The following GRIN2A variants were observed in gnomAD, a reference collection of about 807,000 sequenced individuals.
GRIN2A encodes the protein glutamate receptor ionotropic, NMDA 2A.
Under a neutral mutation model 113.4 loss-of-function variants are expected in GRIN2A, and 22 were observed. The observed-to-expected ratio is 0.19, with a 90% CI of 0.14 to 0.28. GRIN2A has a LOEUF of 0.28. GRIN2A is among the 10% of genes least tolerant of loss of function. The pLI is 1.00. For synonymous variants in GRIN2A, 827 were observed against 738.4 expected, an observed-to-expected ratio of 1.12 and a Z score of -1.94; for missense variants, 1,502 against 1,887.0, an observed-to-expected ratio of 0.80 and a Z score of 3.78.
At chr16:10,179,005 C>G (rs1596585708) in intron 2 of GRIN2A, among the ~76,000 whole-genome samples, 1 of 152,030 alleles carries the variant, frequency 6.6e-6, no homozygotes, top group South Asian at 2.1e-4. Context: ...TCCCTTTTTT[C>G]TCATTCCTCA....
At chr16:9,861,252 A>C (rs954200270) in intron 4 of GRIN2A, among the ~76,000 whole-genome samples, 2 of 152,198 alleles carry the variant, frequency 1.3e-5, no homozygotes, top group Non-Finnish European at 2.9e-5. Flanking sequence ...AGAAAACATG[A>C]GTAATTAACT....
In GRIN2A at chr16:9,761,897, G is replaced by A. The variant is rs1900599829; in HGVS notation, c.*1252C>T. The A allele has an allele frequency of 4.9e-6, 1 of 205,098 alleles. No individual in the cohort carries two copies. Among genetic ancestry groups the A allele is most frequent in the African/African-American group, 2.3e-5 (1 of 43,792 alleles). 12.7% of individuals were successfully genotyped at this position (205,098 alleles called of 1,614,324 possible). A position where few individuals can be genotyped will look rare whatever the true frequency, so the allele number is the denominator to read the frequency against. ...ATAACTCAGAAGGGAGAAATTGCTT[G>A]TCTCACTAAACTGTATCCACAGTTT... On this transcript the variant is annotated 3_prime_UTR_variant, in exon 13 of 13. Transcript: ENST00000330684.
intron 2 of GRIN2A, among the ~76,000 whole-genome samples, chr16:10,110,802 T>A (rs137950317): frequency 2.6e-5 from 4 of 152,212 alleles, no homozygotes; most frequent in Admixed American, 1.3e-4. Context: ...AAGCCATATG[T>A]TGAAGGTGGC....
rs886052537 is a variant in GRIN2A at position 9,759,983 on chromosome 16, G to C, written c.*3166C>G. 8.7e-6 allele frequency: 2 copies of C among 231,132 alleles called. No individual in the cohort carries two copies. The highest frequency in any genetic ancestry group is 4.4e-5 in the African/African-American group (2 of 45,336). The allele number at this position is 231,132 out of a possible 1,614,324, so 14.3% of individuals were successfully genotyped here. A position where few individuals can be genotyped will look rare whatever the true frequency, so the allele number is the denominator to read the frequency against. Reference sequence around the variant, plus strand: ...ATTACCCATGGACAGAGACCCAACCGTTTGCATTCAAGTGTACCTATCTGA... The same window carrying C: ...ATTACCCATGGACAGAGACCCAACCCTTTGCATTCAAGTGTACCTATCTGA... On this transcript the variant is annotated 3_prime_UTR_variant, in exon 13 of 13. Transcript: ENST00000330684.
chr16:10,070,342 C>A (rs2047726140), intron 2 of GRIN2A, among the ~76,000 whole-genome samples: 1 of 152,212 alleles, frequency 6.6e-6, no homozygotes, highest in Admixed American at 6.5e-5. Flanking sequence ...CTCCCAGGAG[C>A]TTCTTAGAAG....
At chr16:9,965,245 A>C (rs951185897) in intron 2 of GRIN2A, among the ~76,000 whole-genome samples, 2 of 152,220 alleles carry the variant, frequency 1.3e-5, no homozygotes, top group Non-Finnish European at 1.5e-5. Flanking sequence ...GCTAGAACAG[A>C]TTCCTCTCCT....
At chr16:9,775,291 C>A (rs1043623888) in intron 11 of GRIN2A, among the ~76,000 whole-genome samples, 2 of 152,140 alleles carry the variant, frequency 1.3e-5, no homozygotes, top group Non-Finnish European at 2.9e-5. Context: ...TTCTGAGAAG[C>A]TGAGTTCGAT....
rs144499334 is a variant in GRIN2A at position 9,967,366 on chromosome 16, C to A, written c.415-28815G>T. ...ATGGAAAACCAAATATCGTTATGTT[C>A]TCACTTATAAGTGGGAGCTAAGCTA... On this transcript the variant is annotated intron_variant, in intron 2 of 12. Transcript: ENST00000330684. Among the ~76,000 whole-genome samples, 70 of 152,286 alleles carry A rather than the reference C, an allele frequency of 4.6e-4. 1 individual carries two copies. Among genetic ancestry groups the A allele is most frequent in the African/African-American group, 1.6e-3 (67 of 41,578 alleles).
intron 2 of GRIN2A, among the ~76,000 whole-genome samples, chr16:10,111,052 C>G (rs2048603801): frequency 6.6e-6 from 1 of 152,218 alleles, no homozygotes; most frequent in Non-Finnish European, 1.5e-5. Context: ...TAAGAATACT[C>G]TTACTTCAGC....
chr16:10,046,107 GC>G (rs2047252939), intron 2 of GRIN2A, among the ~76,000 whole-genome samples: 1 of 152,172 alleles, frequency 6.6e-6, no homozygotes, highest in South Asian at 2.1e-4. Flanking sequence ...TAGCCCCATT[GC>G]CTTAGCCAGT....
intron 5 of GRIN2A, among the ~76,000 whole-genome samples, chr16:9,849,379 G>C (rs1342951744): frequency 2.0e-5 from 3 of 151,842 alleles, no homozygotes; most frequent in South Asian, 2.1e-4. Context: ...GACTGAAGGG[G>C]AGGATTGATT....
At chr16:9,873,995 T>A (rs1465294361) in intron 4 of GRIN2A, among the ~76,000 whole-genome samples, 2 of 152,350 alleles carry the variant, frequency 1.3e-5, no homozygotes, top group South Asian at 4.1e-4. Flanking sequence ...TTGGTTTCTA[T>A]GAGTCATTCT....
At chr16:9,923,602 G>T (rs1354962460) in intron 3 of GRIN2A, among the ~76,000 whole-genome samples, 1 of 151,644 alleles carries the variant, frequency 6.6e-6, no homozygotes, top group Admixed American at 6.6e-5. Flanking sequence ...GGTTTGTTTA[G>T]AGTTTATAGT....
At chr16:9,920,328 G>A (rs2044335259) in intron 3 of GRIN2A, among the ~76,000 whole-genome samples, 1 of 152,164 alleles carries the variant, frequency 6.6e-6, no homozygotes, top group African/African-American at 2.4e-5. Context: ...TTTTTATTCT[G>A]TGTGTTTTGT....
intron 4 of GRIN2A, among the ~76,000 whole-genome samples, chr16:9,865,149 T>C (rs1182108929): frequency 6.6e-6 from 1 of 152,232 alleles, no homozygotes; most frequent in African/African-American, 2.4e-5. Context: ...GAAGATTTAA[T>C]AGTGAGAAAA....
rs1279591281 is a variant in GRIN2A, at chr16:9,764,272, G to A, written c.3272C>T (p.Ala1091Val). 6.2e-7 allele frequency: 1 copy of A among 1,613,960 alleles called. No individual in the cohort carries two copies. Among genetic ancestry groups the A allele is most frequent in the East Asian group, 2.2e-5 (1 of 44,844 alleles). The stretch of plus-strand genomic sequence containing the variant: ...ACTACAGTCCTTGGGGTATTTGGAG[G>A]CCACTGACCTTTTAAAGTTGTCCTT... ...KTKDNFKRSVASKYPKDCSEV... is the reference protein window; with the variant it reads ...KTKDNFKRSVVSKYPKDCSEV... The change falls in exon 13 of 13, where the codon GCC (alanine) becomes GTC (valine). Residue 1091 changes from alanine to valine, a missense_variant. Physicochemically the swap from Ala to Val is moderately conservative, Grantham distance 64. Around this residue, in one of 7 missense-constraint regions of GRIN2A, gnomAD observed 832 missense variants for 789.7 expected, o/e 1.05. Coordinates refer to ENST00000330684, the MANE Select transcript of GRIN2A (RefSeq NM_001134407.3).
intron 4 of GRIN2A, among the ~76,000 whole-genome samples, chr16:9,868,766 C>G (rs577697559): frequency 2.0e-5 from 3 of 152,176 alleles, no homozygotes; most frequent in African/African-American, 4.8e-5. Flanking sequence ...GGTTCCAGCC[C>G]TGCCCCACAT....
At chr16:9,915,190 C>T (rs1398971673) in intron 3 of GRIN2A, among the ~76,000 whole-genome samples, 1 of 151,792 alleles carries the variant, frequency 6.6e-6, no homozygotes, top group African/African-American at 2.4e-5. Context: ...CCCGCCTCAG[C>T]CTCCGAAAGT....
chr16:10,017,194 A>G (rs2046625732), intron 2 of GRIN2A, among the ~76,000 whole-genome samples: 1 of 152,254 alleles, frequency 6.6e-6, no homozygotes, highest in African/African-American at 2.4e-5. Context: ...ACATAGAGAC[A>G]CTGCCATTTT....
Sources: allele counts gnomAD v4.1 joint callset (sites outside exome capture counted in the v4.1 genomes callset), GRCh38; gene constraint gnomAD v4.1.1; regional missense constraint gnomAD v4.1.1; transcripts MANE v1.5; gene names NCBI Gene and HGNC (gene_info 2026-07-23, HGNC 2026-07-21).